The following CRMP1 variants were observed in gnomAD, a reference collection of about 807,000 sequenced individuals.
The protein encoded by CRMP1 is dihydropyrimidinase-related protein 1.
A neutral mutation model predicts 68.3 loss-of-function variants in CRMP1; 19 were observed. That is an observed-to-expected ratio of 0.28 (90% CI 0.19 to 0.41). The LOEUF (loss-of-function observed/expected upper bound fraction) is 0.41. Ranked by LOEUF, CRMP1 falls within the 10% of genes least tolerant of loss-of-function variation. The pLI, the probability that CRMP1 is intolerant of heterozygous loss-of-function variation, is 1.00. For synonymous variants in CRMP1, 439 were observed against 399.6 expected (o/e 1.10, Z -1.18); for missense variants, 791 against 967.4 (o/e 0.82, Z 2.42).
rs573140670 is a variant in CRMP1 at position 5,859,275 on chromosome 4, C to G, written c.655+1751G>C. Among the ~76,000 whole-genome samples, 10 of 152,180 alleles carry G rather than the reference C, an allele frequency of 6.6e-5. No individual in the cohort carries two copies. Among genetic ancestry groups the G allele is most frequent in the Non-Finnish European group, 1.3e-4 (9 of 68,040 alleles). On this transcript the variant is annotated intron_variant, in intron 3 of 13. Coordinates refer to ENST00000324989, the MANE Select transcript of CRMP1 (RefSeq NM_001014809.3). The surrounding 1 kb of genome is among the most constrained non-coding windows in gnomAD (Gnocchi z 5.2). ...TTGTCCTCGTGTGCTTTCATAGGCTCTTGTTCCATGAAACACACTTTGGAA... is the reference window on the plus strand; with the variant it reads ...TTGTCCTCGTGTGCTTTCATAGGCTGTTGTTCCATGAAACACACTTTGGAA...
At position 5,892,551 on chromosome 4, in the gene CRMP1, CG is replaced by C; in HGVS notation, c.381+37del. 2.6e-6 allele frequency: 3 copies of C among 1,168,444 alleles called. No individual in the cohort carries two copies. In the East Asian group the frequency reaches 1.2e-4, roughly 46 times the overall value. 72.4% of individuals were successfully genotyped at this position (1,168,444 alleles called of 1,614,324 possible). On this transcript the variant is annotated intron_variant, in intron 1 of 13. Transcript: ENST00000324989. The surrounding 1 kb of genome is among the most constrained non-coding windows in gnomAD (Gnocchi z 8.6). ...CCATGCCCTGGGTCCTCCCGGGGCC[CG>C]CCCCCCTCGTCTGGCCCGCGCGCGC...
At position 5,870,677 on chromosome 4, in the gene CRMP1, T is replaced by C. The variant is rs1560514839; in HGVS notation, c.382-3921A>G. On this transcript the variant is annotated intron_variant, in intron 1 of 13. Coordinates refer to ENST00000324989, the MANE Select transcript of CRMP1 (RefSeq NM_001014809.3). This position sits in a 1 kb window ranked among gnomAD's most constrained non-coding sequence, Gnocchi z 6.0. ...CAGTGTGAAGAGGCACATCCCGTTC[T>C]TCAGCAGGAGGGTCTCTGGAGGAAG... Among the ~76,000 whole-genome samples the C allele has an allele frequency of 1.3e-5, 2 of 152,218 alleles. No homozygotes were observed. The highest frequency in any genetic ancestry group is 2.4e-5 in the African/African-American group (1 of 41,450).
Position 5,858,237 on chromosome 4 carries a change from G to A in CRMP1, c.656-1930C>T, listed in dbSNP as rs1297563153. Among the ~76,000 whole-genome samples, 2 of 151,958 alleles carry A rather than the reference G, an allele frequency of 1.3e-5. No homozygotes were observed. The highest frequency in any genetic ancestry group is 4.8e-5 in the African/African-American group (2 of 41,350). On this transcript the variant is annotated intron_variant, in intron 3 of 13. Coordinates refer to ENST00000324989, the MANE Select transcript of CRMP1 (RefSeq NM_001014809.3). The surrounding 1 kb of genome is among the most constrained non-coding windows in gnomAD (Gnocchi z 5.5). ...CATCCTGAGGACTCCATCCCCTACT[G>A]TTCACTATGCTTACTAATTGGATCC...
intron 6 of CRMP1, among the ~76,000 whole-genome samples, chr4:5,849,180 T>C (rs1712440612): frequency 6.6e-6 from 1 of 152,176 alleles, no homozygotes; most frequent in Non-Finnish European, 1.5e-5. Context: ...CTGAAGACAA[T>C]GAGGAACACC....
At chr4:5,875,763 A>G (rs1015396012) in intron 1 of CRMP1, among the ~76,000 whole-genome samples, 2 of 152,066 alleles carry the variant, frequency 1.3e-5, no homozygotes, top group African/African-American at 4.8e-5. Flanking sequence ...AGAGACCGTG[A>G]GTTTTCTCCA....
At position 5,825,691 on chromosome 4, in the gene CRMP1, G is replaced by A. The variant is rs6814744; in HGVS notation, c.1804-32C>T. On this transcript the variant is annotated intron_variant, in intron 12 of 13. Coordinates refer to ENST00000324989, the MANE Select transcript of CRMP1 (RefSeq NM_001014809.3). This position sits in a 1 kb window ranked among gnomAD's most constrained non-coding sequence, Gnocchi z 4.4. ...AGAGGAAGGGAGAGTGTGATTGATCGACACTGTGCATGTGTGCCCTTCTGG... is the reference window on the plus strand; with the variant it reads ...AGAGGAAGGGAGAGTGTGATTGATCAACACTGTGCATGTGTGCCCTTCTGG... 1,064 of 1,606,728 alleles carry A rather than the reference G, an allele frequency of 6.6e-4. 7 individuals carry two copies. In the African/African-American group the frequency reaches 0.013, roughly 19 times the overall value.
Position 5,843,010 on chromosome 4 carries a change from C to T in CRMP1, c.1032+83G>A. 1 of 1,359,954 alleles carries T rather than the reference C, an allele frequency of 7.4e-7. No individual in the cohort carries two copies. Among genetic ancestry groups the T allele is most frequent in the Non-Finnish European group, 1.0e-6 (1 of 953,876 alleles). 84.2% of individuals were successfully genotyped at this position (1,359,954 alleles called of 1,614,324 possible). ...GACACGGGAAGAGGCCGGGTCCTGG[C>T]TGGGCTACTCCAGCTGGAACAGCAT... On this transcript the variant is annotated intron_variant, in intron 7 of 13. Coordinates refer to ENST00000324989, the MANE Select transcript of CRMP1 (RefSeq NM_001014809.3). The surrounding 1 kb of genome is among the most constrained non-coding windows in gnomAD (Gnocchi z 4.1).
chr4:5,866,596 C>G lies in CRMP1; in HGVS notation c.470+72G>C. Reference sequence around the variant, plus strand: ...CCGTCATTCTAGGACAGAATGCCAGCCTTCTGTTCCATCTAAGGCCAGGCA... The same window carrying G: ...CCGTCATTCTAGGACAGAATGCCAGGCTTCTGTTCCATCTAAGGCCAGGCA... On this transcript the variant is annotated intron_variant, in intron 2 of 13. Transcript: ENST00000324989. The surrounding 1 kb of genome is among the most constrained non-coding windows in gnomAD (Gnocchi z 5.9). The G allele has an allele frequency of 9.1e-7, 1 of 1,096,794 alleles. No individual in the cohort carries two copies. Among genetic ancestry groups the G allele is most frequent in the Non-Finnish European group, 1.4e-6 (1 of 730,006 alleles). The allele number at this position is 1,096,794 out of a possible 1,614,324, so 67.9% of individuals were successfully genotyped here.
Position 5,836,882 on chromosome 4 carries a change from G to A in CRMP1, c.1335C>T (p.Ser445=), listed in dbSNP as rs748941880. 6 of 1,612,570 alleles carry A rather than the reference G, an allele frequency of 3.7e-6. No individual in the cohort carries two copies. Among genetic ancestry groups the A allele is most frequent in the Non-Finnish European group, 4.2e-6 (5 of 1,179,236 alleles). Residue 445 remains serine (S), a synonymous_variant, in exon 10 of 14, where the codon AGC becomes AGT. Coordinates refer to ENST00000324989, the MANE Select transcript of CRMP1 (RefSeq NM_001014809.3). ...GGGCAGTGCTGTAGGGACAGTGGCC[G>A]CTGCCTGTGACCTGCAAGTCCCCAC... is the stretch of plus-strand genomic sequence containing the variant. ...LACGDLQVTG[S]GHCPYSTAQK...
At chr4:5,824,478 G>T in intron 13 of CRMP1, 1 of 984,956 alleles carries the variant, frequency 1.0e-6, no homozygotes, top group South Asian at 4.7e-5. Flanking sequence ...GAATTCACAC[G>T]TCATCCTCTC....
chr4:5,863,742 G>A (rs1713764236), intron 2 of CRMP1, among the ~76,000 whole-genome samples: 2 of 152,184 alleles, frequency 1.3e-5, no homozygotes, highest in East Asian at 1.9e-4. Context: ...ACAGCTGAAC[G>A]GCTCTTAAGA....
In CRMP1 at chr4:5,851,463, T is replaced by C. The variant is rs746998647; in HGVS notation, c.827A>G (p.Asn276Ser). Reference sequence around the variant, plus strand: ...ATAGGCCATGTAGACTTGGAAGGAATTGACGCCTGTTTCAAGATAGAAAGG... The same window carrying C: ...ATAGGCCATGTAGACTTGGAAGGAACTGACGCCTGTTTCAAGATAGAAAGG... The part of the protein sequence containing the change: ...LEVLVQDKGV[N>S]SFQVYMAYKD... Residue 276 changes from asparagine to serine, a missense_variant, in exon 5 of 14, where the codon AAT (asparagine) becomes AGT (serine). By Grantham distance (46) the Asn-to-Ser change is conservative. Transcript: ENST00000324989. The C allele has an allele frequency of 1.9e-6, 3 of 1,614,078 alleles. No homozygotes were observed. Among genetic ancestry groups the C allele is most frequent in the African/African-American group, 1.3e-5 (1 of 75,046 alleles).
intron 6 of CRMP1, among the ~76,000 whole-genome samples, chr4:5,847,924 T>C (rs1049437152): frequency 1.3e-5 from 2 of 152,190 alleles, no homozygotes. Flanking sequence ...AACCTTCCCC[T>C]ATAAGCCTGG....
rs141067275 is a variant in CRMP1 at position 5,858,950 on chromosome 4, C to G, written c.655+2076G>C. ...TCTGCTTTTCTCTGCCCTCTTCTCC[C>G]GGTTAATTCCAACTCATCCTTCAGA... On this transcript the variant is annotated intron_variant, in intron 3 of 13. Coordinates refer to ENST00000324989, the MANE Select transcript of CRMP1 (RefSeq NM_001014809.3). This position sits in a 1 kb window ranked among gnomAD's most constrained non-coding sequence, Gnocchi z 5.5. Among the ~76,000 whole-genome samples, 1 of 152,166 alleles carries G rather than the reference C, an allele frequency of 6.6e-6. No homozygotes were observed. Among genetic ancestry groups the G allele is most frequent in the African/African-American group, 2.4e-5 (1 of 41,442 alleles).
chr4:5,822,751 G>A (rs1718863364), intron 13 of CRMP1, among the ~76,000 whole-genome samples: 1 of 152,166 alleles, frequency 6.6e-6, no homozygotes, highest in South Asian at 2.1e-4. Flanking sequence ...AAGCAAATAA[G>A]CTGTAAGTCT....
intron 11 of CRMP1, 42 bp from the exon 12 acceptor site, chr4:5,828,710 G>A (rs1178016206): frequency 6.2e-7 from 1 of 1,600,534 alleles, no homozygotes; most frequent in Admixed American, 1.7e-5. Flanking sequence ...GATTTGCTCT[G>A]CCCCAAACGA....
At chr4:5,875,667 G>A (rs922489910) in intron 1 of CRMP1, among the ~76,000 whole-genome samples, 3 of 152,190 alleles carry the variant, frequency 2.0e-5, no homozygotes, top group Non-Finnish European at 4.4e-5. Flanking sequence ...ACAGAGACAC[G>A]GTCTTCTGAA....
At position 5,892,883 on chromosome 4, in the gene CRMP1, G is replaced by T; in HGVS notation, c.87C>A (p.Arg29=). The change falls in exon 1 of 14, where the codon CGC becomes CGA. Residue 29 remains arginine (R), a synonymous_variant. Coordinates refer to ENST00000324989, the MANE Select transcript of CRMP1 (RefSeq NM_001014809.3). This position sits in a 1 kb window ranked among gnomAD's most constrained non-coding sequence, Gnocchi z 8.6. ...CGGCGAACATGCCGCCGTACTTCTG[G>T]CGCGGGGTCTGCGCCGCGCTGCCCG... ...ARPGSAAQTP[R]QKYGGMFAAV... 1.4e-6 allele frequency: 2 copies of T among 1,410,750 alleles called. No homozygotes were observed. The highest frequency in any genetic ancestry group is 9.3e-7 in the Non-Finnish European group (1 of 1,073,726). The allele number at this position is 1,410,750 out of a possible 1,614,324, so 87.4% of individuals were successfully genotyped here. A position where few individuals can be genotyped will look rare whatever the true frequency, so the allele number is the denominator to read the frequency against.
intron 1 of CRMP1, among the ~76,000 whole-genome samples, chr4:5,884,091 C>T (rs1412101725): frequency 1.3e-5 from 2 of 152,176 alleles, no homozygotes; most frequent in Non-Finnish European, 2.9e-5. Context: ...CTCCAGTGTC[C>T]TAATCACTGG....
Sources: gnomAD v4.1 joint callset for allele counts (sites outside exome capture counted in the v4.1 genomes callset) on GRCh38, gnomAD v4.1.1 for gene constraint, Gnocchi (gnomAD v3.1) non-coding constraint, MANE v1.5 for transcripts, NCBI Gene and HGNC (gene_info 2026-07-23, HGNC 2026-07-21) for gene names.